SLC41A1: variants seen among roughly 807,000 people sequenced by gnomAD.
SLC41A1 encodes solute carrier family 41 member 1.
SLC41A1 carries 20 observed loss-of-function variants against 47.3 expected under a neutral mutation model. That is an observed-to-expected ratio of 0.42 (90% CI 0.30 to 0.61). The LOEUF (loss-of-function observed/expected upper bound fraction) is 0.61, where lower values mean the gene tolerates loss of function less well. Ranked by LOEUF, SLC41A1 falls within the 20% of genes least tolerant of loss-of-function variation. The pLI, the probability that SLC41A1 is intolerant of heterozygous loss-of-function variation, is 0.17. For missense variants in SLC41A1, 504 were observed against 674.1 expected, an observed-to-expected ratio of 0.75 and a Z score of 2.79; for synonymous variants, 282 against 272.7, an observed-to-expected ratio of 1.03 and a Z score of -0.34.
intron 2 of SLC41A1, among the ~76,000 whole-genome samples, chr1:205,809,413 G>C (rs1242322072): frequency 6.6e-6 from 1 of 152,150 alleles, no homozygotes; most frequent in African/African-American, 2.4e-5. Context: ...TTCTGCCCAG[G>C]CCTAGTTACA....
chr1:205,799,512 G>C (rs1052768523), intron 4 of SLC41A1, among the ~76,000 whole-genome samples: 10 of 152,138 alleles, frequency 6.6e-5, no homozygotes, highest in Admixed American at 5.2e-4. Context: ...ATATTGCCAG[G>C]ATCTGCTGGG....
At chr1:205,808,299 G>A (rs967188124) in intron 2 of SLC41A1, among the ~76,000 whole-genome samples, 3 of 152,150 alleles carry the variant, frequency 2.0e-5, no homozygotes, top group African/African-American at 4.8e-5. Context: ...TGGCCATGGC[G>A]AAGGCCACAG....
At chr1:205,798,220 C>CA (rs1481661604) in intron 6 of SLC41A1, among the ~76,000 whole-genome samples, 169 bp from the exon 7 acceptor site, 1 of 152,158 alleles carries the variant, frequency 6.6e-6, no homozygotes, top group Non-Finnish European at 1.5e-5. Context: ...GTAGGTGGGA[C>CA]AAGCCTTTTC....
rs1397978427 is a variant in SLC41A1 at position 205,790,218 on chromosome 1, A to G, written c.*1315T>C. The G allele has an allele frequency of 6.6e-6, 1 of 152,242 alleles. No homozygotes were observed. The highest frequency in any genetic ancestry group is 2.4e-5 in the African/African-American group (1 of 41,444). 9.4% of individuals were successfully genotyped at this position (152,242 alleles called of 1,614,324 possible). A position where few individuals can be genotyped will look rare whatever the true frequency, so the allele number is the denominator to read the frequency against. ...TAGATGCAAATACTTACAACGAGGA[A>G]ACTTTCTCTGCCAGATTCAAAGGGG... On this transcript the variant is annotated 3_prime_UTR_variant, in exon 11 of 11. Transcript: ENST00000367137.
At chr1:205,808,197 C>T (rs1421632163) in intron 2 of SLC41A1, among the ~76,000 whole-genome samples, 6 of 152,132 alleles carry the variant, frequency 3.9e-5, no homozygotes, top group Non-Finnish European at 8.8e-5. Flanking sequence ...CTCAGGTGAT[C>T]CGCCCGTCTT....
At chr1:205,795,726 AGTTCCAT>A in intron 8 of SLC41A1, 1 of 582,420 alleles carries the variant, frequency 1.7e-6, no homozygotes, top group South Asian at 2.0e-5. Context: ...GAGATGCAGC[AGTTCCAT>A]GTTCCCCTGG....
rs1655617407 is a variant in SLC41A1, at chr1:205,791,157, C to G, written c.*376G>C. On this transcript the variant is annotated 3_prime_UTR_variant, in exon 11 of 11. Transcript: ENST00000367137. The surrounding 1 kb of genome is among the most constrained non-coding windows in gnomAD (Gnocchi z 4.0). Reference sequence around the variant, plus strand: ...ATAAAAAGAAAACAAAACCAAAAATCCAGAGCCCACTTACAAAGGGTTTCT... The same window carrying G: ...ATAAAAAGAAAACAAAACCAAAAATGCAGAGCCCACTTACAAAGGGTTTCT... 1 of 281,870 alleles carries G rather than the reference C, an allele frequency of 3.5e-6. No individual in the cohort carries two copies. Among genetic ancestry groups the G allele is most frequent in the South Asian group, 3.9e-5 (1 of 25,398 alleles). The allele number at this position is 281,870 out of a possible 1,614,324, so 17.5% of individuals were successfully genotyped here.
Position 205,798,973 on chromosome 1 carries a change from A to G in SLC41A1, c.681T>C (p.Ile227=). The change falls in exon 5 of 11, where the codon ATT becomes ATC. Residue 227 remains isoleucine, a synonymous_variant. Coordinates refer to ENST00000367137, the MANE Select transcript of SLC41A1 (RefSeq NM_173854.6). ...LCASSVATAF[I]ASLVLGMIMI... ...CTTTCTTACCCAGTACCAGGGAGGCAATGAAGGCTGTGGCCACGCTGCTAG... is the reference window on the plus strand; with the variant it reads ...CTTTCTTACCCAGTACCAGGGAGGCGATGAAGGCTGTGGCCACGCTGCTAG... 6.2e-7 allele frequency: 1 copy of G among 1,614,138 alleles called. No homozygotes were observed. Among genetic ancestry groups the G allele is most frequent in the East Asian group, 2.2e-5 (1 of 44,892 alleles).
Position 205,795,354 on chromosome 1 carries a change from G to C in SLC41A1, c.1197C>G (p.Phe399Leu), listed in dbSNP as rs1208667106. Residue 399 changes from phenylalanine to leucine, a missense_variant, in exon 9 of 11, where the codon TTC (phenylalanine) becomes TTG (leucine). Physicochemically the swap from Phe to Leu is conservative, Grantham distance 22. Coordinates refer to ENST00000367137, the MANE Select transcript of SLC41A1 (RefSeq NM_173854.6). The part of the protein sequence containing the change: ...PRRCPSPCTT[F>L]FSPDVNSRSA... ...GGAATCTGCCGTTACCAGGGCTGAA[G>C]AAGGTGGTACAAGGACTGGGACAGC... 1 of 1,614,108 alleles carries C rather than the reference G, an allele frequency of 6.2e-7. No individual in the cohort carries two copies. The highest frequency in any genetic ancestry group is 8.5e-7 in the Non-Finnish European group (1 of 1,180,050).
intron 10 of SLC41A1, among the ~76,000 whole-genome samples, chr1:205,794,320 C>T (rs1248588786): frequency 6.6e-6 from 1 of 152,062 alleles, no homozygotes; most frequent in Non-Finnish European, 1.5e-5. Context: ...TTTTTGAGAA[C>T]TTCTTACAAA....
chr1:205,810,312 C>G lies in SLC41A1; in HGVS notation c.130G>C (p.Gly44Arg), dbSNP rs761202386. ...AGTSEFLGPD[G>R]AGVEVVIESR... is the part of the protein sequence containing the mutation. ...TCAATCACCACCTCTACCCCAGCCC[C>G]ATCAGGCCCCAGGAACTCTGAGGTC... Residue 44 changes from glycine to arginine, a missense_variant, in exon 2 of 11, where the codon GGG becomes CGG. By Grantham distance (125) the Gly-to-Arg change is moderately radical (BLOSUM62 -2). Transcript: ENST00000367137. The surrounding 1 kb of genome is among the most constrained non-coding windows in gnomAD (Gnocchi z 5.5). 6.2e-7 allele frequency: 1 copy of G among 1,614,212 alleles called. No homozygotes were observed. The highest frequency in any genetic ancestry group is 1.1e-5 in the South Asian group (1 of 91,078).
At chr1:205,804,860 A>C (rs1169336557) in intron 2 of SLC41A1, among the ~76,000 whole-genome samples, 1 of 152,228 alleles carries the variant, frequency 6.6e-6, no homozygotes, top group Non-Finnish European at 1.5e-5. Flanking sequence ...ACTCATAGAA[A>C]GAAAAAGCCC....
At position 205,789,227 on chromosome 1, in the gene SLC41A1, C is replaced by G. The variant is rs1430446318; in HGVS notation, c.*2306G>C. 4 of 152,184 alleles carry G rather than the reference C, an allele frequency of 2.6e-5. No homozygotes were observed. Among genetic ancestry groups the G allele is most frequent in the African/African-American group, 9.6e-5 (4 of 41,454 alleles). 9.4% of individuals were successfully genotyped at this position (152,184 alleles called of 1,614,324 possible). A position where few individuals can be genotyped will look rare whatever the true frequency, so the allele number is the denominator to read the frequency against. Reference sequence around the variant, plus strand: ...AACTTTTTAAGGATACGAGAGTAAACCAATATTGCTCCTTGCAGCCAGGCC... The same window carrying G: ...AACTTTTTAAGGATACGAGAGTAAAGCAATATTGCTCCTTGCAGCCAGGCC... On this transcript the variant is annotated 3_prime_UTR_variant, in exon 11 of 11. Transcript: ENST00000367137.
Position 205,813,079 on chromosome 1 carries a change from C to T in SLC41A1, c.-918G>A, listed in dbSNP as rs574340108. 2 of 985,300 alleles carry T rather than the reference C, an allele frequency of 2.0e-6. No homozygotes were observed. The highest frequency in any genetic ancestry group is 1.1e-4 in the East Asian group (1 of 8,778). The allele number at this position is 985,300 out of a possible 1,614,324, so 61.0% of individuals were successfully genotyped here. ...GCAGGATATATCGCTTCGGGCCCGG[C>T]GGGGGGGCACCCGGACGGGGGACCG... On this transcript the variant is annotated 5_prime_UTR_variant, in exon 1 of 11. Transcript: ENST00000367137.
At chr1:205,796,009 A>C in intron 8 of SLC41A1, 1 of 214,690 alleles carries the variant, frequency 4.7e-6, no homozygotes, top group East Asian at 1.2e-4. Context: ...ACCTGTGCTG[A>C]TTTCTCTGTT....
intron 8 of SLC41A1, chr1:205,796,327 T>C (rs1338193837): frequency 6.0e-6 from 1 of 167,524 alleles, no homozygotes; most frequent in Non-Finnish European, 1.3e-5. Flanking sequence ...ACAAAACTCA[T>C]GTTGTGGCTT....
At chr1:205,797,605 G>T (rs1410663176) in intron 7 of SLC41A1, among the ~76,000 whole-genome samples, 2 of 152,210 alleles carry the variant, frequency 1.3e-5, no homozygotes, top group Non-Finnish European at 1.5e-5. Context: ...GCATAAACCT[G>T]GGCTGTAGGC....
intron 9 of SLC41A1, 145 bp from the exon 10 acceptor site, chr1:205,795,163 C>A (rs950889608): frequency 1.4e-6 from 2 of 1,421,938 alleles, no homozygotes; most frequent in Non-Finnish European, 9.6e-7. Context: ...TGGTCTCCAA[C>A]CCCTAGGGTG....
In SLC41A1 at chr1:205,789,915, G is replaced by C. The variant is rs894663997; in HGVS notation, c.*1618C>G. 6.6e-6 allele frequency: 1 copy of C among 152,226 alleles called. No homozygotes were observed. The highest frequency in any genetic ancestry group is 1.5e-5 in the Non-Finnish European group (1 of 68,050). The allele number at this position is 152,226 out of a possible 1,614,324, so 9.4% of individuals were successfully genotyped here. ...GAAAAAGCCTACATCCAAATCCCCA[G>C]ATCTGTACACGTGTGACTGCGGATG... On this transcript the variant is annotated 3_prime_UTR_variant, in exon 11 of 11. Coordinates refer to ENST00000367137, the MANE Select transcript of SLC41A1 (RefSeq NM_173854.6).
Sources: gnomAD v4.1 joint callset for allele counts (sites outside exome capture counted in the v4.1 genomes callset) on GRCh38, gnomAD v4.1.1 for gene constraint, Gnocchi (gnomAD v3.1) non-coding constraint, MANE v1.5 for transcripts, NCBI Gene and HGNC (gene_info 2026-07-23, HGNC 2026-07-21) for gene names.